EPG5: variants seen among roughly 807,000 people sequenced by gnomAD.
EPG5 encodes ectopic P-granules 5 autophagy tethering factor.
In EPG5, 159 loss-of-function variants were observed where a neutral mutation model predicts 302.7. The observed-to-expected ratio is 0.53, with a 90% CI of 0.46 to 0.60. The LOEUF (loss-of-function observed/expected upper bound fraction) is 0.60. Among genes scored for constraint, EPG5 ranks in the 20% least tolerant of loss-of-function variants. EPG5 has a pLI of 0.00. For synonymous variants in EPG5, 1,158 were observed against 1,136.8 expected (o/e 1.02, Z -0.37); for missense variants, 2,896 against 3,092.4 (o/e 0.94, Z 1.51).
At chr18:45,821,614 A>T in the EPG5 span, among the ~76,000 whole-genome samples, 26 of 152,354 alleles carry the variant, frequency 1.7e-4, no homozygotes, top group Middle Eastern at 3.4e-3. Flanking sequence ...GCGAAATTAT[A>T]TCAAGCTAAA....
At chr18:45,914,183 A>T (rs1197540357) in intron 20 of EPG5, among the ~76,000 whole-genome samples, 1 of 152,222 alleles carries the variant, frequency 6.6e-6, no homozygotes, top group Non-Finnish European at 1.5e-5. Context: ...GACAAGACTA[A>T]TATATAAGTA....
intron 4 of EPG5, 62 bp downstream of exon 4, chr18:45,951,040 A>AT (rs1331187571): frequency 7.6e-7 from 1 of 1,320,972 alleles, no homozygotes. Context: ...GATATAACAG[A>AT]TAATTCCTAA....
chr18:45,923,369 G>C lies in EPG5; in HGVS notation c.2737C>G (p.Gln913Glu). Residue 913 changes from glutamine to glutamate, a missense_variant, in exon 15 of 44, where the codon CAA becomes GAA. By Grantham distance (29) the Gln-to-Glu change is conservative (BLOSUM62 2). This residue lies in a region of EPG5 where 1,390 missense variants were observed against 1,430.0 expected (regional missense o/e 0.97). Transcript: ENST00000282041. ...FAKQATLHLD[Q>E]AVHAEVALMV... ...AAAGCCACTTCAGCATGGACTGCTT[G>C]ATCCAGATGAAGGGTAGCCTTTTAA... 6.2e-7 allele frequency: 1 copy of C among 1,613,492 alleles called. No individual in the cohort carries two copies. The highest frequency in any genetic ancestry group is 8.5e-7 in the Non-Finnish European group (1 of 1,179,842).
At position 45,952,383 on chromosome 18, in the gene EPG5, C is replaced by T. The variant is rs1302612297; in HGVS notation, c.1252+17G>A. 2.0e-5 allele frequency: 33 copies of T among 1,611,544 alleles called. No homozygotes were observed. The highest frequency in any genetic ancestry group is 2.8e-5 in the Non-Finnish European group (33 of 1,179,028). On this transcript the variant is annotated intron_variant, in intron 3 of 43. Transcript: ENST00000282041. ...TTACTTCAAAACACAAGAAAGAGAG[C>T]TTCATTACTTACATACCTCGGCCTT...
intron 1 of EPG5, among the ~76,000 whole-genome samples, chr18:45,957,646 T>C (rs1490365982): frequency 6.6e-6 from 1 of 152,216 alleles, no homozygotes; most frequent in Admixed American, 6.5e-5. Flanking sequence ...TCTCATTTTG[T>C]TCACTGGCAT....
intron 22 of EPG5, among the ~76,000 whole-genome samples, chr18:45,911,464 T>A (rs181566297): frequency 1.7e-4 from 25 of 148,752 alleles, no homozygotes; most frequent in South Asian, 1.5e-3. Context: ...TTTTTTGTAT[T>A]TTTTTTTTTA....
At chr18:45,827,741 G>C in the EPG5 span, among the ~76,000 whole-genome samples, 6 of 152,330 alleles carry the variant, frequency 3.9e-5, no homozygotes, top group South Asian at 1.0e-3. Flanking sequence ...ATGAAACCTT[G>C]CCAAAGTCAC....
At position 45,884,504 on chromosome 18, in the gene EPG5, G is replaced by A. The variant is rs1454728647; in HGVS notation, c.5304+113C>T. The A allele has an allele frequency of 7.5e-6, 7 of 931,560 alleles. No individual in the cohort carries two copies. In the African/African-American group the frequency reaches 1.2e-4, roughly 16 times the overall value. 57.7% of individuals were successfully genotyped at this position (931,560 alleles called of 1,614,324 possible). ...TGCAAACTGTGAAAAAGGCCTCTCA[G>A]CCTCTGCTGTACCTGGAAACAAAAC... is the stretch of plus-strand genomic sequence containing the variant. On this transcript the variant is annotated intron_variant, in intron 30 of 43. Coordinates refer to ENST00000282041, the MANE Select transcript of EPG5 (RefSeq NM_020964.3).
chr18:45,915,648 G>C, intron 19 of EPG5, 27 bp from the exon 20 acceptor site: 1 of 1,575,570 alleles, frequency 6.3e-7, no homozygotes, highest in Non-Finnish European at 8.7e-7. Context: ...GGAGCAGAGA[G>C]AGGAGGTTTT....
chr18:45,823,078 GA>G, the EPG5 span, among the ~76,000 whole-genome samples: 6 of 152,208 alleles, frequency 3.9e-5, no homozygotes, highest in Non-Finnish European at 8.8e-5. Context: ...GCAGCCAAAT[GA>G]GACTGGGCTG....
At chr18:45,913,977 T>C (rs2049970775) in intron 20 of EPG5, 149 bp from the exon 21 acceptor site, 7 of 857,244 alleles carry the variant, frequency 8.2e-6, no homozygotes, top group Non-Finnish European at 1.2e-5. Flanking sequence ...TTTTTATACC[T>C]ACCTATATCC....
chr18:45,914,799 C>G (rs2049991698), intron 20 of EPG5, among the ~76,000 whole-genome samples: 1 of 152,092 alleles, frequency 6.6e-6, no homozygotes, highest in African/African-American at 2.4e-5. Context: ...GCTGTCTACT[C>G]CTGAGACAGT....
intron 22 of EPG5, 23 bp downstream of exon 22, chr18:45,912,267 A>C: frequency 6.5e-7 from 1 of 1,538,340 alleles, no homozygotes; most frequent in Middle Eastern, 1.8e-4. Context: ...ACTCACAGAA[A>C]CCTACAATAC....
In EPG5 at chr18:45,905,861, T is replaced by C. The variant is rs535557011; in HGVS notation, c.4330-1744A>G. Among the ~76,000 whole-genome samples the C allele has an allele frequency of 4.6e-5, 7 of 152,300 alleles. No individual in the cohort carries two copies. In the South Asian group the frequency reaches 1.5e-3, roughly 32 times the overall value. ...CCAAGTACCTACCATGTACAAAGCC[T>C]TGGATATGGATGAGGGGTGTCAAGC... On this transcript the variant is annotated intron_variant, in intron 24 of 43. Coordinates refer to ENST00000282041, the MANE Select transcript of EPG5 (RefSeq NM_020964.3).
At chr18:45,934,524 C>G (rs2050473062) in intron 11 of EPG5, among the ~76,000 whole-genome samples, 1 of 152,120 alleles carries the variant, frequency 6.6e-6, no homozygotes, top group African/African-American at 2.4e-5. Context: ...CAACTGTCAA[C>G]TAGAATAATT....
chr18:45,965,024 C>T (rs2051219770), intron 1 of EPG5, among the ~76,000 whole-genome samples: 1 of 152,116 alleles, frequency 6.6e-6, no homozygotes, highest in African/African-American at 2.4e-5. Flanking sequence ...TCCTCACAGA[C>T]CTGGATACAC....
intron 40 of EPG5, among the ~76,000 whole-genome samples, chr18:45,859,699 T>G (rs1208093105): frequency 2.0e-5 from 3 of 152,226 alleles, no homozygotes; most frequent in African/African-American, 7.2e-5. Flanking sequence ...AAAACTCCTT[T>G]TACCAAAAGT....
At chr18:45,819,547 A>G in the EPG5 span, among the ~76,000 whole-genome samples, 7 of 152,184 alleles carry the variant, frequency 4.6e-5, no homozygotes, top group African/African-American at 1.4e-4. Flanking sequence ...AAATATATAG[A>G]TATCTAAATT....
chr18:45,857,703 GT>G (rs200831995), intron 42 of EPG5, 149 bp downstream of exon 42: 236 of 547,564 alleles, frequency 4.3e-4, no homozygotes, highest in East Asian at 2.9e-3. Context: ...ATCAGGCTCT[GT>G]TTTTTTTTTC....
Sources: gnomAD v4.1 joint callset for allele counts (sites outside exome capture counted in the v4.1 genomes callset) on GRCh38, gnomAD v4.1.1 for gene constraint, gnomAD v4.1.1 regional missense constraint, MANE v1.5 for transcripts, NCBI Gene and HGNC (gene_info 2026-07-23, HGNC 2026-07-21) for gene names.